DIAPH3: variants seen among roughly 807,000 people sequenced by gnomAD.
DIAPH3 encodes diaphanous related formin 3, also known as protein diaphanous homolog 3.
A neutral mutation model predicts 144.3 loss-of-function variants in DIAPH3; 117 were observed. That is an observed-to-expected ratio of 0.81 (90% CI 0.70 to 0.95). DIAPH3 has a LOEUF of 0.95. Among genes scored for constraint, DIAPH3 ranks in the 40% least tolerant of loss-of-function variants. The pLI is 0.00. For missense variants in DIAPH3, 1,421 were observed against 1,412.7 expected (o/e 1.01, Z -0.09); for synonymous variants, 519 against 488.9 (o/e 1.06, Z -0.81).
At chr13:59,987,783 A>C (rs1403997039) in intron 12 of DIAPH3, among the ~76,000 whole-genome samples, 1 of 151,170 alleles carries the variant, frequency 6.6e-6, no homozygotes. Flanking sequence ...GATTAAAGAG[A>C]AAACTGGAAC....
Position 59,774,230 on chromosome 13 carries a change from C to G in DIAPH3, c.3278G>C (p.Ser1093Thr), listed in dbSNP as rs778077172. The G allele has an allele frequency of 6.2e-7, 1 of 1,612,752 alleles. No homozygotes were observed. The highest frequency in any genetic ancestry group is 1.1e-5 in the South Asian group (1 of 90,716). ...CAGAACAGGCCTCTGAGACATTGGA[C>G]TGAGACTCTGCCGAACATCTGTTAA... Reference protein sequence around the residue: ...PMPKDVRQSLSPMSQRPVLKV... With the variant: ...PMPKDVRQSLTPMSQRPVLKV... The change falls in exon 27 of 28, where the codon AGT becomes ACT. Residue 1093 changes from serine to threonine, a missense_variant. Ser to Thr is a moderately conservative substitution (Grantham distance 58). Coordinates refer to ENST00000400324, the MANE Select transcript of DIAPH3 (RefSeq NM_001042517.2).
chr13:59,996,204 C>T (rs1166579899), intron 9 of DIAPH3, among the ~76,000 whole-genome samples: 1 of 152,026 alleles, frequency 6.6e-6, no homozygotes. Context: ...AACTACTTGC[C>T]TCCCCACAGA....
intron 9 of DIAPH3, among the ~76,000 whole-genome samples, chr13:60,005,762 T>C (rs750235557): frequency 3.3e-5 from 5 of 152,170 alleles, no homozygotes; most frequent in Admixed American, 6.5e-5. Flanking sequence ...ATTACAGGCA[T>C]GAGCCACCAC....
intron 27 of DIAPH3, among the ~76,000 whole-genome samples, chr13:59,704,118 T>C (rs2034281302): frequency 6.6e-6 from 1 of 152,240 alleles, no homozygotes; most frequent in Non-Finnish European, 1.5e-5. Context: ...TCGTCTCTTT[T>C]GCAACCCCTC....
chr13:59,955,828 A>G (rs1453260704), intron 17 of DIAPH3, among the ~76,000 whole-genome samples: 1 of 152,222 alleles, frequency 6.6e-6, no homozygotes, highest in Non-Finnish European at 1.5e-5. Context: ...GTGGTCTCAC[A>G]TGGAAATGAG....
rs2041865276 is a variant in DIAPH3 at position 59,833,131 on chromosome 13, C to CA, written c.3002dup (p.Asn1002GlufsTer2). 1.2e-6 allele frequency: 2 copies of CA among 1,610,012 alleles called. No homozygotes were observed. Among genetic ancestry groups the CA allele is most frequent in the South Asian group, 2.2e-5 (2 of 90,704 alleles). ...CCATGAATGTGGTTCTGAAGTTATT[C>CA]AGGTCAGTAAGAAAGTCTTCCACAG... On this transcript the variant is annotated frameshift_variant, in exon 24 of 28. Transcript: ENST00000400324. LOFTEE classifies it high-confidence loss of function.
intron 25 of DIAPH3, among the ~76,000 whole-genome samples, chr13:59,787,900 C>T (rs1460838048): frequency 2.0e-5 from 3 of 152,170 alleles, no homozygotes; most frequent in African/African-American, 7.2e-5. Context: ...TAGAGAGCTG[C>T]CTTTGTCCCT....
chr13:59,921,808 C>T (rs1437401466), intron 18 of DIAPH3, among the ~76,000 whole-genome samples: 1 of 151,900 alleles, frequency 6.6e-6, no homozygotes, highest in East Asian at 1.9e-4. Flanking sequence ...AACCCTGAAG[C>T]AAAAATTCTC....
intron 21 of DIAPH3, among the ~76,000 whole-genome samples, chr13:59,864,035 A>C (rs2043764620): frequency 6.6e-6 from 1 of 152,142 alleles, no homozygotes; most frequent in African/African-American, 2.4e-5. Flanking sequence ...TAGTAGACAC[A>C]GTACAATTTA....
intron 17 of DIAPH3, among the ~76,000 whole-genome samples, chr13:59,957,559 G>T (rs1410442981): frequency 6.6e-6 from 1 of 152,152 alleles, no homozygotes; most frequent in Non-Finnish European, 1.5e-5. Flanking sequence ...TTAGCAGCAT[G>T]AGAACAGACA....
intron 3 of DIAPH3, among the ~76,000 whole-genome samples, chr13:60,098,786 C>T (rs954255015): frequency 1.3e-5 from 2 of 152,064 alleles, no homozygotes; most frequent in African/African-American, 4.8e-5. Flanking sequence ...TGTAAAACGG[C>T]TCTAAAATGG....
At chr13:60,155,859 T>C (rs889004909) in intron 1 of DIAPH3, among the ~76,000 whole-genome samples, 1 of 152,238 alleles carries the variant, frequency 6.6e-6, no homozygotes, top group Non-Finnish European at 1.5e-5. Context: ...TGGTGGTTTA[T>C]TTTTCTATTG....
intron 4 of DIAPH3, among the ~76,000 whole-genome samples, chr13:60,051,232 A>AT (rs1555365473): frequency 6.6e-6 from 1 of 151,854 alleles, no homozygotes; most frequent in East Asian, 1.9e-4. Flanking sequence ...GTGGGAAAAA[A>AT]ATATATATAT....
At chr13:59,995,591 A>C (rs181453591) in intron 9 of DIAPH3, among the ~76,000 whole-genome samples, 1 of 152,086 alleles carries the variant, frequency 6.6e-6, no homozygotes, top group East Asian at 1.9e-4. Flanking sequence ...CTGTGAAAAA[A>C]GATGGAAATT....
At chr13:60,133,100 C>T (rs944600350) in intron 1 of DIAPH3, 111 bp from the exon 2 acceptor site, 2 of 734,154 alleles carry the variant, frequency 2.7e-6, no homozygotes, top group Non-Finnish European at 4.5e-6. Context: ...AATTAAATTT[C>T]TGACAGTCCA....
intron 1 of DIAPH3, among the ~76,000 whole-genome samples, chr13:60,140,587 GA>G (rs1448248709): frequency 2.0e-5 from 3 of 151,850 alleles, no homozygotes; most frequent in African/African-American, 4.8e-5. Flanking sequence ...CATATATATG[GA>G]AAAAATAAAA....
chr13:59,850,725 C>T (rs1332048559), intron 22 of DIAPH3, among the ~76,000 whole-genome samples: 1 of 151,752 alleles, frequency 6.6e-6, no homozygotes, highest in East Asian at 1.9e-4. Flanking sequence ...ATACAAACTA[C>T]CATCAGAGAA....
intron 1 of DIAPH3, 84 bp downstream of exon 1, chr13:60,163,503 C>A: frequency 6.4e-7 from 1 of 1,558,296 alleles, no homozygotes; most frequent in Non-Finnish European, 8.7e-7. Context: ...AAACTTGGTC[C>A]CCAAGTTCTT....
intron 19 of DIAPH3, among the ~76,000 whole-genome samples, chr13:59,912,092 T>A (rs2047023299): frequency 6.6e-6 from 1 of 152,152 alleles, no homozygotes; most frequent in Admixed American, 6.5e-5. Flanking sequence ...ATTAGCTATA[T>A]AATTGAGAAA....
Sources: gnomAD v4.1 joint callset for allele counts (sites outside exome capture counted in the v4.1 genomes callset) on GRCh38, gnomAD v4.1.1 for gene constraint, MANE v1.5 for transcripts, NCBI Gene and HGNC (gene_info 2026-07-23, HGNC 2026-07-21) for gene names.